The following R3HDM2 variants were observed in gnomAD, a reference collection of about 807,000 sequenced individuals.
R3HDM2 encodes R3H domain-containing protein 2.
R3HDM2 carries 38 observed loss-of-function variants against 124.5 expected under a neutral mutation model. The ratio of observed to expected loss-of-function variants is 0.31; its 90% CI spans 0.24 to 0.40. The LOEUF (loss-of-function observed/expected upper bound fraction) is 0.40. Among genes scored for constraint, R3HDM2 ranks in the 10% least tolerant of loss-of-function variants. The probability of loss-of-function intolerance (pLI) is 1.00; values close to 1 mark genes in which losing one functional copy is unlikely to be tolerated. For synonymous variants in R3HDM2, 391 were observed against 448.0 expected (o/e 0.87, Z 1.61); for missense variants, 869 against 1,236.9 (o/e 0.70, Z 4.46).
chr12:57,307,722 G>T (rs1385375276), intron 3 of R3HDM2, among the ~76,000 whole-genome samples: 1 of 151,610 alleles, frequency 6.6e-6, no homozygotes, highest in Middle Eastern at 3.2e-3. Context: ...TGCCTCCCGG[G>T]TTCAAGCATT....
At position 57,380,418 on chromosome 12, in the gene R3HDM2, G is replaced by A. The variant is rs138486083; in HGVS notation, c.-36+15331C>T. Among the ~76,000 whole-genome samples the A allele has an allele frequency of 9.0e-4, 137 of 152,272 alleles. 1 individual carries two copies. The East Asian group carries it at 0.02, about 22-fold the overall frequency. Reference sequence around the variant, plus strand: ...AAAGACCCTTGCAGGTAGACAGAATGATGGCTGGGAAAAGAGAATACAGCA... The same window carrying A: ...AAAGACCCTTGCAGGTAGACAGAATAATGGCTGGGAAAAGAGAATACAGCA... On this transcript the variant is annotated intron_variant, in intron 2 of 23. Coordinates refer to ENST00000402412, the MANE Select transcript of R3HDM2 (RefSeq NM_001394031.1).
rs1594489339 is a variant in R3HDM2, at chr12:57,400,479, C to T, written c.-105-4661G>A. 2.0e-5 allele frequency among the ~76,000 whole-genome samples: 3 copies of T among 151,898 alleles called. No individual in the cohort carries two copies. The South Asian group carries it at 6.2e-4, about 32-fold the overall frequency. ...GGATAGCATTAGGAGATATACCTAA[C>T]GTAAATGACGAGTTAATGGGTGCAG... On this transcript the variant is annotated intron_variant, in intron 1 of 23. Coordinates refer to ENST00000402412, the MANE Select transcript of R3HDM2 (RefSeq NM_001394031.1).
rs112552027 is a variant in R3HDM2, at chr12:57,258,911, G to A, written c.2280C>T (p.Tyr760=). The change falls in exon 20 of 24, where the codon TAC becomes TAT. Residue 760 remains tyrosine, a synonymous_variant. Coordinates refer to ENST00000402412, the MANE Select transcript of R3HDM2 (RefSeq NM_001394031.1). The part of the protein sequence containing the change: ...DQRGQKPGDL[Y]SPDSSPQANT... ...TCACCTGGGGGCTGCTGTCAGGACT[G>A]TACAGGTCTCCAGGCTTCTGCCCCC... 3.7e-6 allele frequency: 6 copies of A among 1,608,822 alleles called. No individual in the cohort carries two copies. Among genetic ancestry groups the A allele is most frequent in the Middle Eastern group, 4.4e-4 (2 of 4,584 alleles).
intron 1 of R3HDM2, among the ~76,000 whole-genome samples, chr12:57,412,425 T>C (rs977172785): frequency 2.0e-5 from 3 of 152,050 alleles, no homozygotes; most frequent in Non-Finnish European, 4.4e-5. Flanking sequence ...ACGCCTGTAA[T>C]CCCAGCTACT....
At chr12:57,348,204 G>C (rs1049833023) in intron 2 of R3HDM2, among the ~76,000 whole-genome samples, 1 of 152,100 alleles carries the variant, frequency 6.6e-6, no homozygotes, top group Non-Finnish European at 1.5e-5. Context: ...CCTAAGGATC[G>C]ATTGAGCCCA....
At chr12:57,279,293 C>T (rs969238963) in intron 14 of R3HDM2, among the ~76,000 whole-genome samples, 11 of 151,074 alleles carry the variant, frequency 7.3e-5, no homozygotes, top group African/African-American at 2.7e-4. Flanking sequence ...AGCGATTCTC[C>T]TGCCTCAGCC....
At chr12:57,292,453 G>T (rs1592842116) in intron 11 of R3HDM2, 119 bp downstream of exon 11, 1 of 676,896 alleles carries the variant, frequency 1.5e-6, no homozygotes, top group South Asian at 2.0e-5. Context: ...GGCTGATGTT[G>T]GTTAAAATAA....
At chr12:57,352,241 CAAA>C (rs776229504) in intron 2 of R3HDM2, among the ~76,000 whole-genome samples, 4 of 48,470 alleles carry the variant, frequency 8.3e-5, no homozygotes, top group Admixed American at 6.9e-4. Context: ...GACTCCATCT[CAAA>C]AAAAAAAAAA....
At chr12:57,327,481 A>AC in intron 2 of R3HDM2, among the ~76,000 whole-genome samples, 1 of 151,804 alleles carries the variant, frequency 6.6e-6, no homozygotes, top group Admixed American at 6.6e-5. Flanking sequence ...AAAAAAAAAA[A>AC]AAGAAATACA....
intron 2 of R3HDM2, among the ~76,000 whole-genome samples, chr12:57,317,274 C>T (rs1478855705): frequency 2.0e-5 from 3 of 151,212 alleles, no homozygotes; most frequent in Non-Finnish European, 2.9e-5. Context: ...ATGATCACAG[C>T]TCACTGCAGC....
At chr12:57,404,327 G>A (rs1332057233) in intron 1 of R3HDM2, among the ~76,000 whole-genome samples, 1 of 150,388 alleles carries the variant, frequency 6.6e-6, no homozygotes, top group Non-Finnish European at 1.5e-5. Flanking sequence ...GCCTCCCAAA[G>A]TGCTAGGATT....
chr12:57,258,962 A>G lies in R3HDM2; in HGVS notation c.2229T>C (p.His743=), dbSNP rs1416660520. 4 of 1,612,800 alleles carry G rather than the reference A, an allele frequency of 2.5e-6. No homozygotes were observed. In the East Asian group the frequency reaches 6.7e-5, roughly 27 times the overall value. The change falls in exon 20 of 24, where the codon CAT becomes CAC. Residue 743 remains histidine (H), a synonymous_variant. Transcript: ENST00000402412. ...GCTGGTCCATGCTGTAGTATTTACAATGACTCCACTGGACCATGGATGGGT... is the reference window on the plus strand; with the variant it reads ...GCTGGTCCATGCTGTAGTATTTACAGTGACTCCACTGGACCATGGATGGGT... ...PQNPSMVQWS[H]CKYYSMDQRG... is the part of the protein sequence containing the mutation.
At chr12:57,269,137 T>A in intron 16 of R3HDM2, 55 bp from the exon 17 acceptor site, 1 of 1,595,150 alleles carries the variant, frequency 6.3e-7, no homozygotes, top group Admixed American at 1.7e-5. Flanking sequence ...GAGGTCACAC[T>A]CTATCTGTAA....
At chr12:57,283,756 C>T in intron 13 of R3HDM2, 68 bp downstream of exon 13, 1 of 1,472,876 alleles carries the variant, frequency 6.8e-7, no homozygotes, top group Non-Finnish European at 9.5e-7. Context: ...AAGTAAATAT[C>T]AGTGATGTTT....
intron 2 of R3HDM2, among the ~76,000 whole-genome samples, chr12:57,340,400 T>C (rs2059412778): frequency 6.6e-6 from 1 of 152,210 alleles, no homozygotes; most frequent in African/African-American, 2.4e-5. Context: ...TGTGGTGGAA[T>C]TTCCCTTAAC....
intron 2 of R3HDM2, among the ~76,000 whole-genome samples, chr12:57,371,080 T>C (rs530577): frequency 7.4e-6 from 1 of 135,538 alleles, no homozygotes; most frequent in Admixed American, 8.6e-5. Context: ...ATATATACCA[T>C]TACTTTTTTT....
chr12:57,337,407 T>A (rs1037670912), intron 2 of R3HDM2, among the ~76,000 whole-genome samples: 6 of 152,106 alleles, frequency 3.9e-5, no homozygotes, highest in Non-Finnish European at 7.4e-5. Flanking sequence ...TATCTTGGCC[T>A]CCCAAAGTGC....
At chr12:57,353,295 A>C (rs965239639) in intron 2 of R3HDM2, among the ~76,000 whole-genome samples, 3 of 152,188 alleles carry the variant, frequency 2.0e-5, no homozygotes, top group Non-Finnish European at 4.4e-5. Context: ...ATGACAAGTA[A>C]GTAATTAGAA....
rs142895633 is a variant in R3HDM2, at chr12:57,402,513, T to G, written c.-105-6695A>C. On this transcript the variant is annotated intron_variant, in intron 1 of 23. Transcript: ENST00000402412. Reference sequence around the variant, plus strand: ...CACCATGTCCAGCTAATTTTTATATTTTTAGTAGAGTTGGAGTTTCACCAT... The same window carrying G: ...CACCATGTCCAGCTAATTTTTATATGTTTAGTAGAGTTGGAGTTTCACCAT... Among the ~76,000 whole-genome samples the G allele has an allele frequency of 4.6e-3, 696 of 152,166 alleles. 4 individuals carry two copies. Among genetic ancestry groups the G allele is most frequent in the Admixed American group, 4.4e-3 (68 of 15,284 alleles).
Sources: allele counts gnomAD v4.1 joint callset (sites outside exome capture counted in the v4.1 genomes callset), GRCh38; gene constraint gnomAD v4.1.1; transcripts MANE v1.5; gene names NCBI Gene and HGNC (gene_info 2026-07-23, HGNC 2026-07-21).